FGD5: variants seen among roughly 807,000 people sequenced by gnomAD.
The protein encoded by FGD5 is FYVE, RhoGEF and PH domain containing 5.
Under a neutral mutation model 133.4 loss-of-function variants are expected in FGD5, and 28 were observed. The observed-to-expected ratio is 0.21, with a 90% CI of 0.16 to 0.29. The LOEUF is 0.29. FGD5 is among the 10% of genes least tolerant of loss of function. The probability of loss-of-function intolerance (pLI) is 1.00; values close to 1 mark genes in which losing one functional copy is unlikely to be tolerated. For synonymous variants in FGD5, 810 were observed against 776.5 expected (o/e 1.04, Z -0.72); for missense variants, 1,858 against 1,895.2 (o/e 0.98, Z 0.36).
rs772042137 is a variant in FGD5 at position 14,898,032 on chromosome 3, A to G, written c.3003A>G (p.Leu1001=). Residue 1001 remains leucine (L), a synonymous_variant, in exon 6 of 20, where the codon CTA becomes CTG. Transcript: ENST00000285046. Reference sequence around the variant, plus strand: ...ACATCCTGCAGTTCGACAGGTACCTAGGTCTGCTCAGTGAGAATTGCCTCC... The same window carrying G: ...ACATCCTGCAGTTCGACAGGTACCTGGGTCTGCTCAGTGAGAATTGCCTCC... ...ATHILQFDRY[L]GLLSENCLHS... 8.1e-6 allele frequency: 13 copies of G among 1,613,862 alleles called. No individual in the cohort carries two copies. The East Asian group carries it at 2.4e-4, about 30-fold the overall frequency.
chr3:14,831,560 C>G (rs2036707919), intron 1 of FGD5, among the ~76,000 whole-genome samples: 1 of 152,068 alleles, frequency 6.6e-6, no homozygotes, highest in Non-Finnish European at 1.5e-5. Context: ...AGTGCTCTTC[C>G]CAGAAGACCA....
chr3:14,842,733 T>G (rs1226603699), intron 1 of FGD5, among the ~76,000 whole-genome samples: 1 of 152,232 alleles, frequency 6.6e-6, no homozygotes, highest in Non-Finnish European at 1.5e-5. Context: ...TGGCTGTGTG[T>G]ATGCTTTCCT....
intron 11 of FGD5, among the ~76,000 whole-genome samples, chr3:14,912,802 C>T (rs986152497): frequency 3.9e-5 from 6 of 151,948 alleles, no homozygotes; most frequent in South Asian, 2.1e-4. Context: ...TTTGGGAGGC[C>T]GAGGCAGGCG....
At position 14,932,619 on chromosome 3, in the gene FGD5, A is replaced by G. The variant is rs1034882217; in HGVS notation, c.4240A>G (p.Ile1414Val). ...GAGTATGCCTCTGCTAGGCTTCACCATTGCTCCAGAAAAGGAAGAGGGCAG... is the reference window on the plus strand; with the variant it reads ...GAGTATGCCTCTGCTAGGCTTCACCGTTGCTCCAGAAAAGGAAGAGGGCAG... ...LESMPLLGFT[I>V]APEKEEGSSE... is the part of the protein sequence containing the mutation. Residue 1414 changes from isoleucine (I) to valine (V), a missense_variant, in exon 19 of 20, where the codon ATT becomes GTT. Coordinates refer to ENST00000285046, the MANE Select transcript of FGD5 (RefSeq NM_152536.4). 24 of 1,613,880 alleles carry G rather than the reference A, an allele frequency of 1.5e-5. No homozygotes were observed. The African/African-American group carries it at 2.8e-4, about 19-fold the overall frequency.
intron 9 of FGD5, 122 bp from the exon 10 acceptor site, chr3:14,907,518 G>T: frequency 2.4e-6 from 2 of 818,894 alleles, no homozygotes; most frequent in Non-Finnish European, 3.8e-6. Flanking sequence ...GGTTGGATTT[G>T]GGGCAGGCCT....
At chr3:14,930,978 T>C (rs2038891054) in intron 18 of FGD5, 1 of 152,176 alleles carries the variant, frequency 6.6e-6, no homozygotes, top group African/African-American at 2.4e-5. Flanking sequence ...TTTTGTTTTT[T>C]TTCTTTTGCA....
At chr3:14,814,125 C>G (rs1032404081), upstream of FGD5, among the ~76,000 whole-genome samples, 7 of 152,036 alleles carry the variant, frequency 4.6e-5, no homozygotes, top group Non-Finnish European at 1.5e-5. Flanking sequence ...GACCCCCAGG[C>G]TCCGTGATAC....
chr3:14,902,771 G>T (rs1158041943), intron 9 of FGD5, among the ~76,000 whole-genome samples: 3 of 152,162 alleles, frequency 2.0e-5, no homozygotes, highest in African/African-American at 7.2e-5. Flanking sequence ...CAGCAGATGG[G>T]CTGGGTTCTC....
intron 1 of FGD5, among the ~76,000 whole-genome samples, chr3:14,831,745 G>A (rs1050027963): frequency 1.3e-5 from 2 of 152,210 alleles, no homozygotes; most frequent in Non-Finnish European, 2.9e-5. Flanking sequence ...AGAGCAAAGG[G>A]TGGGAGGTGC....
intron 4 of FGD5, among the ~76,000 whole-genome samples, chr3:14,887,567 G>A (rs1376110890): frequency 6.6e-6 from 1 of 151,956 alleles, no homozygotes; most frequent in South Asian, 2.1e-4. Context: ...ATTAAAATAA[G>A]AAAATAAACT....
At chr3:14,870,985 A>C (rs993018145) in intron 2 of FGD5, among the ~76,000 whole-genome samples, 1 of 152,208 alleles carries the variant, frequency 6.6e-6, no homozygotes, top group East Asian at 1.9e-4. Context: ...GCAAGATACA[A>C]AACGAGTTCT....
rs767588206 is a variant in FGD5, at chr3:14,918,838, G to A, written c.3569+5G>A. The A allele has an allele frequency of 1.5e-5, 24 of 1,613,722 alleles. No homozygotes were observed. The highest frequency in any genetic ancestry group is 1.6e-4 in the Middle Eastern group (1 of 6,082). ...CTGCCTGATGCTGTCTGCGAGGTAC[G>A]GGCAGGTGGAGGGAGGATGGCGCAC... On this transcript the variant is annotated splice_donor_5th_base_variant and intron_variant, in intron 13 of 19. Transcript: ENST00000285046.
intron 1 of FGD5, among the ~76,000 whole-genome samples, chr3:14,812,821 A>G (rs1359697173): frequency 6.6e-6 from 1 of 152,278 alleles, no homozygotes; most frequent in Non-Finnish European, 1.5e-5. Context: ...TAAGGTGCCT[A>G]GAAAGAACAG....
chr3:14,924,196 T>G, intron 17 of FGD5, 58 bp downstream of exon 17: 3 of 1,612,322 alleles, frequency 1.9e-6, no homozygotes, highest in Non-Finnish European at 1.7e-6. Flanking sequence ...TTCATGGTCA[T>G]CCTGGGTAGA....
At chr3:14,898,973 C>A in intron 7 of FGD5, 147 bp downstream of exon 7, 1 of 711,182 alleles carries the variant, frequency 1.4e-6, no homozygotes, top group Non-Finnish European at 2.4e-6. Flanking sequence ...CCTTTCCCTC[C>A]AGTTGAGCTT....
rs541889951 is a variant in FGD5 at position 14,844,818 on chromosome 3, C to T, written c.2526-19310C>T. Among the ~76,000 whole-genome samples the T allele has an allele frequency of 2.0e-5, 3 of 152,284 alleles. No homozygotes were observed. The East Asian group carries it at 5.8e-4, about 29-fold the overall frequency. ...CCCAGTGTTGTGCTCGAATCATAAG[C>T]CCCAGTCTCTCCTCAATAGACTGCA... On this transcript the variant is annotated intron_variant, in intron 1 of 19. Coordinates refer to ENST00000285046, the MANE Select transcript of FGD5 (RefSeq NM_152536.4).
chr3:14,825,157 G>A (rs2036576622), intron 1 of FGD5, among the ~76,000 whole-genome samples: 1 of 152,214 alleles, frequency 6.6e-6, no homozygotes. Flanking sequence ...TGATTGTAAA[G>A]TTTCTTCTGT....
intron 9 of FGD5, among the ~76,000 whole-genome samples, chr3:14,907,395 CAG>C (rs1261156522): frequency 3.3e-5 from 5 of 152,188 alleles, no homozygotes; most frequent in African/African-American, 1.2e-4. Context: ...CAGAGAAACA[CAG>C]GGATGCTGGA....
Position 14,922,416 on chromosome 3 carries a change from A to T in FGD5, c.3675A>T (p.Arg1225=). The T allele has an allele frequency of 1.9e-6, 3 of 1,566,194 alleles. No individual in the cohort carries two copies. Among genetic ancestry groups the T allele is most frequent in the Non-Finnish European group, 2.6e-6 (3 of 1,155,272 alleles). The change falls in exon 15 of 20, where the codon CGA becomes CGT. Residue 1225 remains arginine (R), a synonymous_variant. Coordinates refer to ENST00000285046, the MANE Select transcript of FGD5 (RefSeq NM_152536.4). This position sits in a 1 kb window ranked among gnomAD's most constrained non-coding sequence, Gnocchi z 4.1. ...LAAFHHSVEI[R]ERLGVSLGER... is the part of the protein sequence containing the mutation. ...AGCCAATTCTGTTGCTGCAGATACG[A>T]GAGAGGCTGGGGGTTAGCCTTGGGG...
Sources: allele counts gnomAD v4.1 joint callset (sites outside exome capture counted in the v4.1 genomes callset), GRCh38; gene constraint gnomAD v4.1.1; non-coding constraint Gnocchi (gnomAD v3.1); transcripts MANE v1.5; gene names NCBI Gene and HGNC (gene_info 2026-07-23, HGNC 2026-07-21).